Variants in MVP observed in about 807,000 individuals in gnomAD.
MVP encodes lung resistance-related protein.
MVP carries 62 observed loss-of-function variants against 83.5 expected under a neutral mutation model. That is an observed-to-expected ratio of 0.74 (90% CI 0.61 to 0.92). The LOEUF is 0.92. Ranked by LOEUF, MVP falls within the 40% of genes least tolerant of loss-of-function variation. The pLI, the probability that MVP is intolerant of heterozygous loss-of-function variation, is 0.00. For missense variants in MVP, 1,000 were observed against 1,203.4 expected (o/e 0.83, Z 2.50); for synonymous variants, 505 against 504.1 (o/e 1.00, Z -0.02).
chr16:29,844,345 T>A lies in MVP; in HGVS notation c.1635-148T>A, dbSNP rs28405796. 1.0e-3 allele frequency: 1,040 copies of A among 1,003,594 alleles called. 4 individuals are homozygous for A. Among genetic ancestry groups the A allele is most frequent in the Non-Finnish European group, 1.1e-3 (756 of 701,578 alleles). 62.2% of individuals were successfully genotyped at this position (1,003,594 alleles called of 1,614,324 possible). On this transcript the variant is annotated intron_variant, in intron 10 of 14. Transcript: ENST00000357402. The stretch of plus-strand genomic sequence containing the variant: ...TGGCTGGGCGTGATCACACATGTAG[T>A]CCCAGCACTTTGGGAGGCTGAGGTT...
chr16:29,838,619 G>T (rs1281468253), intron 7 of MVP, among the ~76,000 whole-genome samples: 1 of 152,118 alleles, frequency 6.6e-6, no homozygotes, highest in Non-Finnish European at 1.5e-5. Context: ...CTTGAAGCCA[G>T]GAGTTTGAGA....
rs1467239153 is a variant in MVP, at chr16:29,841,640, A to C, written c.1236A>C (p.Glu412Asp). 1.2e-6 allele frequency: 2 copies of C among 1,611,938 alleles called. No individual in the cohort carries two copies. Among genetic ancestry groups the C allele is most frequent in the African/African-American group, 1.3e-5 (1 of 74,772 alleles). ...GCACCTACATGCTGACCCAGGACGA[A>C]GTCCTGTGGGAGAAAGAGCTGCCTC... ...IGSTYMLTQD[E>D]VLWEKELPPG... Residue 412 changes from glutamate to aspartate, a missense_variant, in exon 9 of 15, where the codon GAA (glutamate) becomes GAC (aspartate). Glu to Asp is a conservative substitution (Grantham distance 45, BLOSUM62 2). Coordinates refer to ENST00000357402, the MANE Select transcript of MVP (RefSeq NM_005115.5). The surrounding 1 kb of genome is among the most constrained non-coding windows in gnomAD (Gnocchi z 4.7).
chr16:29,832,894 A>G (rs112506753), intron 3 of MVP, among the ~76,000 whole-genome samples: 53 of 151,984 alleles, frequency 3.5e-4, no homozygotes, highest in African/African-American at 1.2e-3. Flanking sequence ...GCGAAAACCC[A>G]TCTCTACTAA....
intron 2 of MVP, 51 bp from the exon 3 acceptor site, chr16:29,830,827 G>C (rs757192199): frequency 1.9e-6 from 3 of 1,586,400 alleles, no homozygotes; most frequent in Non-Finnish European, 2.6e-6. Context: ...GTCCTCTTTG[G>C]TAGTGGAGAC....
At chr16:29,835,480 CAAAAAA>C (rs59649743) in intron 5 of MVP, 21 of 72,932 alleles carry the variant, frequency 2.9e-4, no homozygotes, top group Non-Finnish European at 2.9e-4. Context: ...GACTCCGTCT[CAAAAAA>C]AAAAAAAAAA....
intron 1 of MVP, chr16:29,830,229 G>A (rs955766552): frequency 7.9e-6 from 2 of 253,980 alleles, no homozygotes; most frequent in African/African-American, 4.5e-5. Context: ...CAGTGTAGGG[G>A]GAAGTAGTTG....
chr16:29,836,774 C>A lies in MVP; in HGVS notation c.725C>A (p.Ser242Tyr), dbSNP rs2067490810. ...RRNFRDFRGV[S>Y]RRTGEEWLVT... is the part of the protein sequence containing the mutation. ...AACTTCCGGGACTTCAGGGGAGTGTCCCGCCGCACTGGGGAGGAGTGGCTG... is the reference window on the plus strand; with the variant it reads ...AACTTCCGGGACTTCAGGGGAGTGTACCGCCGCACTGGGGAGGAGTGGCTG... Residue 242 changes from serine (S) to tyrosine (Y), a missense_variant, in exon 7 of 15, where the codon TCC (serine) becomes TAC (tyrosine). By Grantham distance (144) the Ser-to-Tyr change is moderately radical (BLOSUM62 -2). Transcript: ENST00000357402. 6.2e-7 allele frequency: 1 copy of A among 1,612,256 alleles called. No homozygotes were observed. The highest frequency in any genetic ancestry group is 8.5e-7 in the Non-Finnish European group (1 of 1,178,864).
At chr16:29,846,853 C>T (rs1010550324) in intron 13 of MVP, among the ~76,000 whole-genome samples, 6 of 151,874 alleles carry the variant, frequency 4.0e-5, no homozygotes, top group Non-Finnish European at 5.9e-5. Flanking sequence ...AAGAGTGAAA[C>T]TCCATCTCAA....
chr16:29,843,784 C>T (rs543214300), intron 10 of MVP, among the ~76,000 whole-genome samples: 2 of 151,986 alleles, frequency 1.3e-5, no homozygotes, highest in Admixed American at 1.3e-4. Context: ...CTTGTAGTCC[C>T]AGCTACTCAA....
At position 29,831,059 on chromosome 16, in the gene MVP, G is replaced by C. The variant is rs755783307; in HGVS notation, c.307G>C (p.Glu103Gln). 6.2e-7 allele frequency: 1 copy of C among 1,612,254 alleles called. No individual in the cohort carries two copies. Among genetic ancestry groups the C allele is most frequent in the Non-Finnish European group, 8.5e-7 (1 of 1,179,894 alleles). The part of the protein sequence containing the change: ...AQDPFPLYPG[E>Q]VLEKDITPLQ... ...GGACCCCTTCCCCCTGTACCCAGGG[G>C]AGGTGCTGGAAAAGGTACCTGGTTT... is the stretch of plus-strand genomic sequence containing the variant. Residue 103 changes from glutamate to glutamine, a missense_variant, in exon 3 of 15, where the codon GAG (glutamate) becomes CAG (glutamine). Glu to Gln is a conservative substitution (Grantham distance 29). Coordinates refer to ENST00000357402, the MANE Select transcript of MVP (RefSeq NM_005115.5).
rs2067586262 is a variant in MVP, at chr16:29,846,394, T to G, written c.2265+110T>G. The stretch of plus-strand genomic sequence containing the variant: ...CACCAGGTCCCCCAACATAAAGCCC[T>G]ATCCAAGTACTTTGCATTTGCAAAG... On this transcript the variant is annotated intron_variant, in intron 13 of 14. Coordinates refer to ENST00000357402, the MANE Select transcript of MVP (RefSeq NM_005115.5). 10 of 1,408,318 alleles carry G rather than the reference T, an allele frequency of 7.1e-6. No homozygotes were observed. In the South Asian group the frequency reaches 1.4e-4, roughly 19 times the overall value. 87.2% of individuals were successfully genotyped at this position (1,408,318 alleles called of 1,614,324 possible).
intron 10 of MVP, among the ~76,000 whole-genome samples, chr16:29,843,808 G>A (rs2067558169): frequency 6.6e-6 from 1 of 152,132 alleles, no homozygotes; most frequent in Non-Finnish European, 1.5e-5. Flanking sequence ...GCTGAGGCAG[G>A]AGAATCTCTT....
chr16:29,835,647 G>A (rs936660007), intron 5 of MVP, 57 bp from the exon 6 acceptor site: 1 of 1,423,502 alleles, frequency 7.0e-7, no homozygotes, highest in Non-Finnish European at 9.8e-7. Flanking sequence ...GTGGGGGAGG[G>A]GTAGGTGGGG....
intron 3 of MVP, among the ~76,000 whole-genome samples, chr16:29,832,290 AC>A (rs2067449443): frequency 1.5e-5 from 2 of 134,260 alleles, no homozygotes; most frequent in African/African-American, 5.8e-5. Context: ...GGATTCTTGT[AC>A]CTTTTTTTTT....
intron 7 of MVP, 86 bp downstream of exon 7, chr16:29,837,044 G>T: frequency 1.6e-6 from 2 of 1,264,286 alleles, no homozygotes; most frequent in South Asian, 2.9e-5. Context: ...CTCTCCTCCA[G>T]ACGCACGTTC....
rs1326842881 is a variant in MVP, at chr16:29,836,928, G to C, written c.879G>C (p.Lys293Asn). 1 of 1,613,686 alleles carries C rather than the reference G, an allele frequency of 6.2e-7. No homozygotes were observed. The highest frequency in any genetic ancestry group is 8.5e-7 in the Non-Finnish European group (1 of 1,179,886). ...TCGACCCTGTCGGACCGGATGGCAA[G>C]AATCAGCTGGGGCAGAAGCGCGTGG... ...VILDPVGPDG[K>N]NQLGQKRVVK... Residue 293 changes from lysine (K) to asparagine (N), a missense_variant, in exon 7 of 15, where the codon AAG (lysine) becomes AAC (asparagine). Physicochemically the swap from Lys to Asn is moderately conservative, Grantham distance 94. Coordinates refer to ENST00000357402, the MANE Select transcript of MVP (RefSeq NM_005115.5).
chr16:29,837,038 C>A, intron 7 of MVP, 80 bp downstream of exon 7: 1 of 1,303,986 alleles, frequency 7.7e-7, no homozygotes, highest in East Asian at 2.4e-5. Flanking sequence ...TGCCTTCTCT[C>A]CTCCAGACGC....
At chr16:29,831,767 AG>A (rs1363233747) in intron 3 of MVP, 6 of 455,184 alleles carry the variant, frequency 1.3e-5, no homozygotes, top group African/African-American at 1.2e-4. Context: ...TGACAAGCCC[AG>A]GCCCCAGGCT....
chr16:29,830,767 G>T, intron 2 of MVP, 93 bp downstream of exon 2: 2 of 1,577,900 alleles, frequency 1.3e-6, no homozygotes, highest in Non-Finnish European at 1.7e-6. Flanking sequence ...CTCTTCCCAA[G>T]CAGGAGTGGC....
Sources: gnomAD v4.1 joint callset for allele counts (sites outside exome capture counted in the v4.1 genomes callset) on GRCh38, gnomAD v4.1.1 for gene constraint, Gnocchi (gnomAD v3.1) non-coding constraint, MANE v1.5 for transcripts, NCBI Gene and HGNC (gene_info 2026-07-23, HGNC 2026-07-21) for gene names.